Variants in TBC1D4 observed in about 807,000 individuals in gnomAD.
The protein encoded by TBC1D4 is TBC (Tre-2, BUB2, CDC16) domain-containing protein.
Under a neutral mutation model 142.5 loss-of-function variants are expected in TBC1D4, and 121 were observed. That is an observed-to-expected ratio of 0.85 (90% confidence interval 0.73 to 0.99). The LOEUF (loss-of-function observed/expected upper bound fraction) is 0.99, where lower values mean the gene tolerates loss of function less well. Ranked by LOEUF, TBC1D4 falls within the 50% of genes least tolerant of loss-of-function variation. The probability of loss-of-function intolerance (pLI) is 0.00; values close to 1 mark genes in which losing one functional copy is unlikely to be tolerated. For missense variants in TBC1D4, 1,475 were observed against 1,606.6 expected, an observed-to-expected ratio of 0.92 and a Z score of 1.40; for synonymous variants, 630 against 628.2, an observed-to-expected ratio of 1.00 and a Z score of -0.04.
At chr13:75,423,255 G>GC (rs1886241772) in intron 1 of TBC1D4, among the ~76,000 whole-genome samples, 1 of 148,564 alleles carries the variant, frequency 6.7e-6, no homozygotes, top group African/African-American at 2.5e-5. Flanking sequence ...GTATGTAAGT[G>GC]TTTTTTTTTT....
intron 3 of TBC1D4, among the ~76,000 whole-genome samples, chr13:75,358,183 C>T (rs1465817906): frequency 6.6e-6 from 1 of 152,080 alleles, no homozygotes; most frequent in Non-Finnish European, 1.5e-5. Context: ...GTGTAAAGTG[C>T]TCATTCATTC....
At chr13:75,479,986 C>T (rs974323405) in intron 1 of TBC1D4, among the ~76,000 whole-genome samples, 1 of 150,960 alleles carries the variant, frequency 6.6e-6, no homozygotes, top group Non-Finnish European at 1.5e-5. Flanking sequence ...GAGCCGAGAT[C>T]GCACCACTGC....
chr13:75,387,313 G>T (rs4885291), intron 1 of TBC1D4, among the ~76,000 whole-genome samples: 149,970 of 152,310 alleles, frequency 0.98, 73,877 homozygotes, highest in East Asian at 1. Flanking sequence ...TCAGAGCTTT[G>T]TCAGATAATG....
chr13:75,310,635 T>C (rs182058495), intron 13 of TBC1D4, among the ~76,000 whole-genome samples: 15 of 152,290 alleles, frequency 9.8e-5, no homozygotes, highest in Admixed American at 5.9e-4. Flanking sequence ...AACACCTTTT[T>C]CTTTTTCTTT....
intron 15 of TBC1D4, chr13:75,302,829 T>G (rs1158067869): frequency 4.5e-6 from 1 of 221,232 alleles, no homozygotes; most frequent in African/African-American, 2.3e-5. Context: ...AGTGGCAGTT[T>G]AGAATTAGAA....
intron 20 of TBC1D4, among the ~76,000 whole-genome samples, chr13:75,287,923 C>T (rs1874863573): frequency 6.6e-6 from 1 of 152,138 alleles, no homozygotes; most frequent in South Asian, 2.1e-4. Flanking sequence ...TGAAACTCCC[C>T]TGAAGTCATC....
At chr13:75,310,177 C>T in intron 13 of TBC1D4, 26 bp from the exon 14 acceptor site, 1 of 1,603,286 alleles carries the variant, frequency 6.2e-7, no homozygotes, top group Non-Finnish European at 8.5e-7. Flanking sequence ...CAGTGAGAGG[C>T]ATTCCTTAGC....
rs540351717 is a variant in TBC1D4, at chr13:75,348,562, G to A, written c.1408+608C>T. Among the ~76,000 whole-genome samples, 32 of 152,202 alleles carry A rather than the reference G, an allele frequency of 2.1e-4. 1 individual carries two copies. The highest frequency in any genetic ancestry group is 4.6e-4 in the Admixed American group (7 of 15,282). On this transcript the variant is annotated intron_variant, in intron 5 of 20. Coordinates refer to ENST00000377636, the MANE Select transcript of TBC1D4 (RefSeq NM_014832.5). ...CTTTTTTGTGTTGTTGTTAGTAAGA[G>A]ATAAACGAAAAGGAAGTTGAGTCAC...
chr13:75,292,643 G>A (rs1875434698), intron 18 of TBC1D4, among the ~76,000 whole-genome samples: 1 of 151,100 alleles, frequency 6.6e-6, no homozygotes, highest in Non-Finnish European at 1.5e-5. Flanking sequence ...CATAACCAAT[G>A]AGTACTATTC....
chr13:75,299,181 C>T, intron 17 of TBC1D4, 149 bp downstream of exon 17: 4 of 1,380,098 alleles, frequency 2.9e-6, no homozygotes, highest in East Asian at 2.5e-5. Context: ...AAATCCCACA[C>T]TAAGTGAACT....
intron 15 of TBC1D4, among the ~76,000 whole-genome samples, chr13:75,304,845 T>C (rs927813568): frequency 1.3e-5 from 2 of 151,844 alleles, no homozygotes; most frequent in African/African-American, 2.4e-5. Context: ...ATGCAAGAAA[T>C]AGCAAAGGAC....
rs1593732000 is a variant in TBC1D4, at chr13:75,326,391, T to G, written c.1839A>C (p.Thr613=). The change falls in exon 10 of 21, where the codon ACA becomes ACC. Residue 613 remains threonine (T), a synonymous_variant. Transcript: ENST00000377636. ...CTGAGGACGGTGGGGACGCTGGCGG[T>G]GTCCCTGGTGGAGAATCCCCTGGTG... ...DYSPGDSPPG[T]PPASPPSSAW... 1.9e-6 allele frequency: 3 copies of G among 1,614,064 alleles called. No homozygotes were observed. Among genetic ancestry groups the G allele is most frequent in the East Asian group, 2.2e-5 (1 of 44,852 alleles).
intron 14 of TBC1D4, among the ~76,000 whole-genome samples, chr13:75,307,633 G>A (rs983942601): frequency 3.3e-5 from 5 of 152,172 alleles, no homozygotes; most frequent in South Asian, 2.1e-4. Flanking sequence ...AAAAACAACA[G>A]CAGAATGAAA....
intron 8 of TBC1D4, among the ~76,000 whole-genome samples, chr13:75,333,572 A>C (rs1327489045): frequency 6.6e-6 from 1 of 152,238 alleles, no homozygotes; most frequent in Non-Finnish European, 1.5e-5. Flanking sequence ...AGTTACCAAT[A>C]TAAAGCTCCA....
intron 12 of TBC1D4, among the ~76,000 whole-genome samples, chr13:75,314,819 A>G (rs1878135359): frequency 6.6e-6 from 1 of 151,094 alleles, no homozygotes; most frequent in Non-Finnish European, 1.5e-5. Flanking sequence ...ATACAAAAAA[A>G]AAAAAAAAAA....
chr13:75,446,851 A>G (rs1476724152), intron 1 of TBC1D4, among the ~76,000 whole-genome samples: 1 of 151,302 alleles, frequency 6.6e-6, no homozygotes, highest in African/African-American at 2.4e-5. Context: ...TTTTTTTTTT[A>G]ACAAACAGGT....
chr13:75,290,526 T>C (rs751427060), intron 19 of TBC1D4, among the ~76,000 whole-genome samples: 1 of 152,148 alleles, frequency 6.6e-6, no homozygotes, highest in Non-Finnish European at 1.5e-5. Context: ...AAGCATAATA[T>C]CTGATTCCAG....
chr13:75,299,709 C>A, intron 16 of TBC1D4, 135 bp from the exon 17 acceptor site: 1 of 1,103,422 alleles, frequency 9.1e-7, no homozygotes, highest in South Asian at 1.4e-5. Context: ...TTAGAGTCAC[C>A]ATGTAACTAA....
chr13:75,467,527 G>A (rs565858376), intron 1 of TBC1D4, among the ~76,000 whole-genome samples: 9 of 152,162 alleles, frequency 5.9e-5, no homozygotes, highest in Non-Finnish European at 1.2e-4. Flanking sequence ...AAACATTGAA[G>A]AAATGTAGAA....
Sources: gnomAD v4.1 joint callset for allele counts (sites outside exome capture counted in the v4.1 genomes callset) on GRCh38, gnomAD v4.1.1 for gene constraint, MANE v1.5 for transcripts, NCBI Gene and HGNC (gene_info 2026-07-23, HGNC 2026-07-21) for gene names.